WDR5: variants seen among roughly 807,000 people sequenced by gnomAD.
The protein encoded by WDR5 is WD repeat-containing protein 5.
For synonymous variants in WDR5, 144 were observed against 161.6 expected (o/e 0.89, Z 0.83); for missense variants, 187 against 416.9 (o/e 0.45, Z 4.80).
At chr9:134,135,772 C>G (rs1040892456), upstream of WDR5, 8 of 152,192 alleles carry the variant, frequency 5.3e-5, no homozygotes, top group Admixed American at 2.6e-4. Context: ...GCGCAGGTCC[C>G]GGAGGGCCGC....
At position 134,140,907 on chromosome 9, in the gene WDR5, G is replaced by C. The variant is rs1396830288; in HGVS notation, c.190+96G>C. ...ATGGCTTGCTTCCTCACCTACCGCT[G>C]GGGAGACGTAGCAGGCCGCTGGGGG... On this transcript the variant is annotated intron_variant, in intron 3 of 13. Transcript: ENST00000358625. 3.2e-5 allele frequency: 39 copies of C among 1,220,428 alleles called. No individual in the cohort carries two copies. In the East Asian group the frequency reaches 8.9e-4, roughly 28 times the overall value. The allele number at this position is 1,220,428 out of a possible 1,614,324, so 75.6% of individuals were successfully genotyped here.
In WDR5 at chr9:134,157,574, G is replaced by T. The variant is rs974570389; in HGVS notation, c.905-319G>T. 6.6e-6 allele frequency among the ~76,000 whole-genome samples: 1 copy of T among 152,118 alleles called. No individual in the cohort carries two copies. Among genetic ancestry groups the T allele is most frequent in the Non-Finnish European group, 1.5e-5 (1 of 68,004 alleles). On this transcript the variant is annotated intron_variant, in intron 13 of 13. Coordinates refer to ENST00000358625, the MANE Select transcript of WDR5 (RefSeq NM_017588.3). The surrounding 1 kb of genome is among the most constrained non-coding windows in gnomAD (Gnocchi z 5.0). ...GCCTCTGAGCCAGTCCTGCTGCCGCGCTCCTCCTTGTGGGCGCCGAGCTGC... is the reference window on the plus strand; with the variant it reads ...GCCTCTGAGCCAGTCCTGCTGCCGCTCTCCTCCTTGTGGGCGCCGAGCTGC...
At position 134,150,693 on chromosome 9, in the gene WDR5, G is replaced by C. The variant is rs76716648; in HGVS notation, c.585-1290G>C. On this transcript the variant is annotated intron_variant, in intron 8 of 13. Transcript: ENST00000358625. The stretch of plus-strand genomic sequence containing the variant: ...ATACCCATTTAACCCTGTGACGTGG[G>C]TACTGTCAGCCTTGCTTTTCAGGCA... Among the ~76,000 whole-genome samples the C allele has an allele frequency of 8.7e-3, 1,328 of 152,274 alleles. 19 individuals carry two copies. The highest frequency in any genetic ancestry group is 0.03 in the African/African-American group (1,253 of 41,534).
At chr9:134,151,171 C>T (rs1000809925) in intron 8 of WDR5, among the ~76,000 whole-genome samples, 1 of 152,122 alleles carries the variant, frequency 6.6e-6, no homozygotes, top group Non-Finnish European at 1.5e-5. Context: ...AGAGTTGCTG[C>T]TTCTGGGTTT....
chr9:134,140,848 C>A (rs371176131), intron 3 of WDR5, 37 bp downstream of exon 3: 1 of 1,585,648 alleles, frequency 6.3e-7, no homozygotes, highest in Non-Finnish European at 8.7e-7. Flanking sequence ...CTGGGAGAGG[C>A]GGTCTGAGCT....
At chr9:134,141,393 C>T in intron 3 of WDR5, 117 bp from the exon 4 acceptor site, 3 of 951,712 alleles carry the variant, frequency 3.2e-6, no homozygotes, top group East Asian at 2.6e-5. Context: ...GGGTTCTGAG[C>T]CATGTGGTTC....
chr9:134,148,689 G>T (rs1428204406), intron 8 of WDR5, among the ~76,000 whole-genome samples: 1 of 152,170 alleles, frequency 6.6e-6, no homozygotes, highest in East Asian at 1.9e-4. Context: ...AAGCTGTGCT[G>T]CTCTGGGAGG....
intron 13 of WDR5, among the ~76,000 whole-genome samples, chr9:134,156,896 C>T (rs570378713): frequency 5.9e-5 from 9 of 152,356 alleles, no homozygotes; most frequent in African/African-American, 1.9e-4. Context: ...TCCCACGTCA[C>T]GGCGAGCTCT....
chr9:134,141,478 T>TCTTAGCCTCAGATC (rs761136652), intron 3 of WDR5, 32 bp from the exon 4 acceptor site: 3 of 1,610,290 alleles, frequency 1.9e-6, no homozygotes, highest in Non-Finnish European at 2.5e-6. Context: ...TGTGTCCTGC[T>TCTTAGCCTCAGATC]CTTAGCCTCA....
At chr9:134,140,145 C>G (rs2132527702) in intron 2 of WDR5, among the ~76,000 whole-genome samples, 187 bp downstream of exon 2, 1 of 152,336 alleles carries the variant, frequency 6.6e-6, no homozygotes, top group South Asian at 2.1e-4. Context: ...AATCTGTCAC[C>G]TGGAGGAGAG....
intron 1 of WDR5, among the ~76,000 whole-genome samples, chr9:134,137,453 C>T (rs540398776): frequency 1.7e-4 from 26 of 152,092 alleles, no homozygotes; most frequent in Admixed American, 9.2e-4. Context: ...GAGGCTGAGG[C>T]GGGCGGATTG....
At chr9:134,137,681 A>AAAC (rs1387279396) in intron 1 of WDR5, among the ~76,000 whole-genome samples, 3 of 136,878 alleles carry the variant, frequency 2.2e-5, no homozygotes, top group East Asian at 4.6e-4. Flanking sequence ...AAAAAAACAA[A>AAAC]AACAAAAAAA....
chr9:134,149,181 C>T (rs780907613), intron 8 of WDR5, among the ~76,000 whole-genome samples: 11 of 152,156 alleles, frequency 7.2e-5, no homozygotes, highest in Admixed American at 2.6e-4. Context: ...AGTCTGTAGT[C>T]GCCATGCATG....
At chr9:134,147,480 A>G (rs1279063890) in intron 7 of WDR5, among the ~76,000 whole-genome samples, 1 of 152,204 alleles carries the variant, frequency 6.6e-6, no homozygotes, top group Non-Finnish European at 1.5e-5. Flanking sequence ...TAGTGAGCAA[A>G]GGACAAGGTT....
intron 9 of WDR5, among the ~76,000 whole-genome samples, chr9:134,153,899 A>G (rs146489586): frequency 1.2e-4 from 19 of 152,252 alleles, no homozygotes; most frequent in African/African-American, 3.1e-4. Context: ...TGACCTGTAC[A>G]TCGACAGCTT....
intron 1 of WDR5, among the ~76,000 whole-genome samples, chr9:134,139,308 G>T (rs1391321294): frequency 2.0e-5 from 3 of 152,234 alleles, no homozygotes; most frequent in African/African-American, 7.2e-5. Context: ...CCCCCATGAG[G>T]CGTAGACCAC....
Position 134,140,759 on chromosome 9 carries a change from A to G in WDR5, c.138A>G (p.Lys46=), listed in dbSNP as rs1219135841. 1 of 1,614,186 alleles carries G rather than the reference A, an allele frequency of 6.2e-7. No homozygotes were observed. The highest frequency in any genetic ancestry group is 1.1e-5 in the South Asian group (1 of 91,088). The change falls in exon 3 of 14, where the codon AAA becomes AAG. Residue 46 remains lysine (K), a synonymous_variant. Transcript: ENST00000358625. Reference sequence around the variant, plus strand: ...AGTTCACCCTTGCTGGCCACACCAAAGCAGTGTCCTCCGTGAAATTCAGCC... The same window carrying G: ...AGTTCACCCTTGCTGGCCACACCAAGGCAGTGTCCTCCGTGAAATTCAGCC... ...ALKFTLAGHT[K]AVSSVKFSPN... is the part of the protein sequence containing the mutation.
chr9:134,145,101 T>TTGTTTTTTTTTG (rs1832115546), intron 7 of WDR5, among the ~76,000 whole-genome samples: 2 of 118,404 alleles, frequency 1.7e-5, no homozygotes, highest in East Asian at 2.1e-4. Context: ...GCTTTGTTTT[T>TTGTTTTTTTTTG]TTTTTTTTTT....
chr9:134,145,181 C>G (rs967689012), intron 7 of WDR5, among the ~76,000 whole-genome samples: 2 of 146,772 alleles, frequency 1.4e-5, no homozygotes. Context: ...CCACTGCAAG[C>G]TCTGCCTCCT....
Sources: allele counts gnomAD v4.1 joint callset (sites outside exome capture counted in the v4.1 genomes callset), GRCh38; gene constraint gnomAD v4.1.1; non-coding constraint Gnocchi (gnomAD v3.1); transcripts MANE v1.5; gene names NCBI Gene and HGNC (gene_info 2026-07-23, HGNC 2026-07-21).